Variants in SMOC2 observed in about 807,000 individuals in gnomAD.
SMOC2 encodes the protein SPARC-related modular calcium-binding protein 2.
SMOC2 carries 39 observed loss-of-function variants against 61.4 expected under a neutral mutation model. That is an observed-to-expected ratio of 0.64 (90% CI 0.49 to 0.83). The LOEUF is 0.83. SMOC2 is among the 40% of genes least tolerant of loss of function. SMOC2 has a pLI of 0.00. For synonymous variants in SMOC2, 247 were observed against 239.9 expected (o/e 1.03, Z -0.27); for missense variants, 556 against 592.9 (o/e 0.94, Z 0.65).
At chr6:168,537,101 C>T (rs1423866871) in intron 4 of SMOC2, among the ~76,000 whole-genome samples, 1 of 152,382 alleles carries the variant, frequency 6.6e-6, no homozygotes, top group South Asian at 2.1e-4. Context: ...GAGACCCTGA[C>T]TGGTCCAAAG....
chr6:168,664,995 T>C, intron 12 of SMOC2: 2 of 321,182 alleles, frequency 6.2e-6, no homozygotes, highest in South Asian at 4.9e-5. Context: ...TGGATGTAAT[T>C]TAAAACCATT....
chr6:168,549,054 C>A, intron 6 of SMOC2, 75 bp from the exon 7 acceptor site: 1 of 1,178,702 alleles, frequency 8.5e-7, no homozygotes, highest in Non-Finnish European at 1.3e-6. Context: ...GGACTACTTG[C>A]TGCACTGCGT....
chr6:168,619,176 T>C (rs186957118), intron 9 of SMOC2, among the ~76,000 whole-genome samples: 167 of 152,320 alleles, frequency 1.1e-3, no homozygotes, highest in African/African-American at 3.9e-3. Flanking sequence ...TAGAGCCAGA[T>C]TTTTAAAGAT....
At chr6:168,559,712 G>A (rs1784351270) in intron 7 of SMOC2, among the ~76,000 whole-genome samples, 1 of 152,020 alleles carries the variant, frequency 6.6e-6, no homozygotes, top group African/African-American at 2.4e-5. Flanking sequence ...ACCGCACCTT[G>A]TTCTATCAAC....
Position 168,475,618 on chromosome 6 carries a change from G to A in SMOC2, c.84+34164G>A, listed in dbSNP as rs996679118. Among the ~76,000 whole-genome samples the A allele has an allele frequency of 3.9e-5, 6 of 152,176 alleles. No homozygotes were observed. The highest frequency in any genetic ancestry group is 5.9e-5 in the Non-Finnish European group (4 of 68,024). ...AGGCAGTGTCAGGACTGAGACAGGA[G>A]GGTGAGTCCAGAGCGGGGACAGAGG... On this transcript the variant is annotated intron_variant, in intron 1 of 12. Transcript: ENST00000356284. The surrounding 1 kb of genome is among the most constrained non-coding windows in gnomAD (Gnocchi z 4.6).
intron 1 of SMOC2, among the ~76,000 whole-genome samples, chr6:168,467,136 A>AACACACACGCACACACAC (rs1781854171): frequency 7.5e-6 from 1 of 133,334 alleles, no homozygotes; most frequent in Admixed American, 7.5e-5. Flanking sequence ...AGTGCTCTCA[A>AACACACACGCACACACAC]ACACACACAC....
intron 1 of SMOC2, among the ~76,000 whole-genome samples, chr6:168,489,789 A>T (rs923298228): frequency 2.0e-5 from 3 of 151,748 alleles, no homozygotes; most frequent in Non-Finnish European, 4.4e-5. Context: ...TTTAGAGTGA[A>T]ATATATGGAA....
At chr6:168,563,849 C>G (rs1359375368) in intron 7 of SMOC2, among the ~76,000 whole-genome samples, 1 of 152,114 alleles carries the variant, frequency 6.6e-6, no homozygotes, top group South Asian at 2.1e-4. Context: ...TAAGACTCCT[C>G]CCAACCGGAG....
intron 1 of SMOC2, among the ~76,000 whole-genome samples, chr6:168,458,820 G>A (rs1346653397): frequency 1.3e-5 from 2 of 152,160 alleles, no homozygotes; most frequent in Admixed American, 6.5e-5. Flanking sequence ...CCCACTCCTC[G>A]GTGTAAAGGA....
At chr6:168,632,655 A>C (rs929622685) in intron 9 of SMOC2, among the ~76,000 whole-genome samples, 1 of 152,222 alleles carries the variant, frequency 6.6e-6, no homozygotes, top group African/African-American at 2.4e-5. Flanking sequence ...AAATTTTGCT[A>C]TCCAGCCTAT....
rs149777034 is a variant in SMOC2, at chr6:168,560,483, C to T, written c.637+11280C>T. On this transcript the variant is annotated intron_variant, in intron 7 of 12. Transcript: ENST00000356284. Reference sequence around the variant, plus strand: ...CTGAAGAAGAATGCGTCCTCTGTGCCCACCTTTCTGGCCCTGAGATGTGAG... The same window carrying T: ...CTGAAGAAGAATGCGTCCTCTGTGCTCACCTTTCTGGCCCTGAGATGTGAG... Among the ~76,000 whole-genome samples, 84 of 151,982 alleles carry T rather than the reference C, an allele frequency of 5.5e-4. 3 individuals are homozygous for T. The highest frequency in any genetic ancestry group is 4.0e-3 in the South Asian group (19 of 4,790).
At chr6:168,618,834 G>C (rs1006011443) in intron 9 of SMOC2, among the ~76,000 whole-genome samples, 1 of 152,092 alleles carries the variant, frequency 6.6e-6, no homozygotes, top group African/African-American at 2.4e-5. Flanking sequence ...ACGGGCATCC[G>C]GTCTGGGAGA....
At chr6:168,653,278 C>T in intron 11 of SMOC2, 50 bp downstream of exon 11, 1 of 1,537,242 alleles carries the variant, frequency 6.5e-7, no homozygotes, top group Non-Finnish European at 8.8e-7. Context: ...GCCCTGAGGC[C>T]TGGGAGGTCT....
In SMOC2 at chr6:168,475,669, G is replaced by A. The variant is rs1267961117; in HGVS notation, c.84+34215G>A. ...ACGAGAACTGAGACCTGCTTCCCAC[G>A]CGTCTGTGGCCCAGGGAGGCCACGT... is the stretch of plus-strand genomic sequence containing the variant. On this transcript the variant is annotated intron_variant, in intron 1 of 12. Coordinates refer to ENST00000356284, the MANE Select transcript of SMOC2 (RefSeq NM_001166412.2). The surrounding 1 kb of genome is among the most constrained non-coding windows in gnomAD (Gnocchi z 4.6). Among the ~76,000 whole-genome samples the A allele has an allele frequency of 2.0e-5, 3 of 152,116 alleles. No homozygotes were observed. Among genetic ancestry groups the A allele is most frequent in the Non-Finnish European group, 4.4e-5 (3 of 67,998 alleles).
At chr6:168,624,019 C>T (rs527968859) in intron 9 of SMOC2, among the ~76,000 whole-genome samples, 101 of 152,290 alleles carry the variant, frequency 6.6e-4, no homozygotes, top group Non-Finnish European at 1.2e-3. Flanking sequence ...GGCGCTCACC[C>T]GAGTGGCTGC....
chr6:168,617,080 G>A (rs993656683), intron 9 of SMOC2, among the ~76,000 whole-genome samples: 1 of 152,206 alleles, frequency 6.6e-6, no homozygotes, highest in Non-Finnish European at 1.5e-5. Flanking sequence ...TTGCAGCAAG[G>A]CCAGCAGAAT....
chr6:168,656,557 A>G (rs1156498926), intron 11 of SMOC2, among the ~76,000 whole-genome samples: 7 of 55,286 alleles, frequency 1.3e-4, no homozygotes, highest in Admixed American at 2.1e-4. Flanking sequence ...GAGAAAAGGA[A>G]AAAAAAAAAA....
intron 1 of SMOC2, among the ~76,000 whole-genome samples, chr6:168,467,473 A>T (rs917313606): frequency 2.0e-5 from 3 of 151,780 alleles, no homozygotes; most frequent in African/African-American, 7.2e-5. Flanking sequence ...CACCCGGCTA[A>T]TTTTTTTTGT....
At chr6:168,492,922 G>A (rs1211577067) in intron 1 of SMOC2, among the ~76,000 whole-genome samples, 1 of 152,224 alleles carries the variant, frequency 6.6e-6, no homozygotes, top group African/African-American at 2.4e-5. Flanking sequence ...ATCACTGCAT[G>A]ACGTCGTAAG....
Sources: gnomAD v4.1 joint callset for allele counts (sites outside exome capture counted in the v4.1 genomes callset) on GRCh38, gnomAD v4.1.1 for gene constraint, Gnocchi (gnomAD v3.1) non-coding constraint, MANE v1.5 for transcripts, NCBI Gene and HGNC (gene_info 2026-07-23, HGNC 2026-07-21) for gene names.